Variants in VWA3A observed in about 807,000 individuals in gnomAD.
VWA3A encodes the protein von Willebrand factor A domain-containing protein 3A.
In VWA3A, 134 loss-of-function variants were observed where a neutral mutation model predicts 160.4. That is an observed-to-expected ratio of 0.84 (90% CI 0.73 to 0.96). VWA3A has a LOEUF of 0.96. Ranked by LOEUF, VWA3A falls within the 40% of genes least tolerant of loss-of-function variation. The pLI, the probability that VWA3A is intolerant of heterozygous loss-of-function variation, is 0.00. For synonymous variants in VWA3A, 476 were observed against 543.4 expected (o/e 0.88, Z 1.72); for missense variants, 1,310 against 1,447.9 (o/e 0.90, Z 1.55).
chr16:22,107,357 C>T (rs1463333680), intron 6 of VWA3A, among the ~76,000 whole-genome samples: 1 of 152,218 alleles, frequency 6.6e-6, no homozygotes, highest in Non-Finnish European at 1.5e-5. Flanking sequence ...CTCCCTACAA[C>T]AGATAATTAT....
At chr16:22,119,511 A>T (rs2045699198) in intron 12 of VWA3A, among the ~76,000 whole-genome samples, 1 of 152,188 alleles carries the variant, frequency 6.6e-6, no homozygotes, top group Non-Finnish European at 1.5e-5. Context: ...TCTCTACAAA[A>T]GATTAAAAAA....
At chr16:22,147,106 G>A (rs1273244411) in intron 27 of VWA3A, among the ~76,000 whole-genome samples, 1 of 152,146 alleles carries the variant, frequency 6.6e-6, no homozygotes. Context: ...GCTTACTGCA[G>A]CCTTGAACTG....
chr16:22,109,200 A>G (rs2045520115), intron 6 of VWA3A, among the ~76,000 whole-genome samples: 1 of 152,246 alleles, frequency 6.6e-6, no homozygotes, highest in Non-Finnish European at 1.5e-5. Context: ...TATAGTCTCC[A>G]GATTTTCTAC....
At chr16:22,114,598 G>C (rs2045604048) in intron 8 of VWA3A, among the ~76,000 whole-genome samples, 1 of 152,124 alleles carries the variant, frequency 6.6e-6, no homozygotes, top group African/African-American at 2.4e-5. Context: ...TCTACAAAAT[G>C]GGAATAAAGG....
At position 22,141,780 on chromosome 16, in the gene VWA3A, T is replaced by C. The variant is rs577775234; in HGVS notation, c.2494+88T>C. On this transcript the variant is annotated intron_variant, in intron 24 of 33. Transcript: ENST00000389398. ...GCAGGTACCGTGGGAAGGAGACCCCTCCTGCTGTCCCAGGACCTAGGCACT... is the reference window on the plus strand; with the variant it reads ...GCAGGTACCGTGGGAAGGAGACCCCCCCTGCTGTCCCAGGACCTAGGCACT... The C allele has an allele frequency of 1.2e-5, 14 of 1,134,372 alleles. No homozygotes were observed. In the Admixed American group the frequency reaches 2.4e-4, roughly 20 times the overall value. 70.3% of individuals were successfully genotyped at this position (1,134,372 alleles called of 1,614,324 possible). A position where few individuals can be genotyped will look rare whatever the true frequency, so the allele number is the denominator to read the frequency against.
intron 1 of VWA3A, among the ~76,000 whole-genome samples, chr16:22,096,018 C>T (rs1012137063): frequency 6.6e-6 from 1 of 152,074 alleles, no homozygotes; most frequent in Non-Finnish European, 1.5e-5. Flanking sequence ...CAACTAGGGA[C>T]AATTCTGCTG....
intron 21 of VWA3A, among the ~76,000 whole-genome samples, chr16:22,134,936 C>T (rs768159635): frequency 1.3e-4 from 20 of 152,168 alleles, no homozygotes; most frequent in Non-Finnish European, 2.4e-4. Flanking sequence ...AAAAATAGAA[C>T]TGGGCACAGT....
chr16:22,109,706 C>A, intron 7 of VWA3A, 126 bp downstream of exon 7: 3 of 748,964 alleles, frequency 4.0e-6, no homozygotes, highest in Non-Finnish European at 6.6e-6. Flanking sequence ...GAACAGTTCA[C>A]ACTTAATTAG....
At chr16:22,122,261 GTGGATGGATGGATGGATGGGTGGATGGA>G (rs1218200156) in intron 14 of VWA3A, among the ~76,000 whole-genome samples, 1 of 145,454 alleles carries the variant, frequency 6.9e-6, no homozygotes, top group East Asian at 2.0e-4. Context: ...GGATGGATGA[GTGGATGGATGGATGGATGGGTGGATGGA>G]TGGATGGATG....
intron 16 of VWA3A, among the ~76,000 whole-genome samples, chr16:22,125,214 C>CAA (rs1182938603): frequency 1.0e-4 from 9 of 86,112 alleles, no homozygotes; most frequent in Admixed American, 3.8e-4. Context: ...CTGGTCTCTA[C>CAA]AAAAAAAAAA....
chr16:22,100,196 G>A lies in VWA3A; in HGVS notation c.228G>A (p.Arg76=). ...THVNQTQDLL[R]LQGSETQSSD... ...TGACTCTGGCTTTTGTCTTGCAGAGGCTGCAGGGGAGTGAGACCCAGTCTT... is the reference window on the plus strand; with the variant it reads ...TGACTCTGGCTTTTGTCTTGCAGAGACTGCAGGGGAGTGAGACCCAGTCTT... The change falls in exon 4 of 34, where the codon AGG becomes AGA. Residue 76 remains arginine, a splice_region_variant and synonymous_variant. Coordinates refer to ENST00000389398, the MANE Select transcript of VWA3A (RefSeq NM_173615.5). 1 of 1,544,040 alleles carries A rather than the reference G, an allele frequency of 6.5e-7. No homozygotes were observed. Among genetic ancestry groups the A allele is most frequent in the Non-Finnish European group, 8.7e-7 (1 of 1,144,440 alleles).
chr16:22,105,456 C>T (rs2045470204), intron 6 of VWA3A, among the ~76,000 whole-genome samples: 1 of 152,198 alleles, frequency 6.6e-6, no homozygotes, highest in Admixed American at 6.5e-5. Flanking sequence ...TAGAAAGTGG[C>T]CTCGCTTCTC....
chr16:22,152,396 G>GC, intron 30 of VWA3A, 115 bp from the exon 31 acceptor site: 1 of 1,379,576 alleles, frequency 7.2e-7, no homozygotes, highest in East Asian at 2.5e-5. Flanking sequence ...ACGGCCCATT[G>GC]CCAGGCTGAT....
At chr16:22,150,995 A>C in intron 30 of VWA3A, 149 bp downstream of exon 30, 2 of 1,054,608 alleles carry the variant, frequency 1.9e-6, no homozygotes, top group African/African-American at 1.6e-5. Context: ...AATTAGGAGA[A>C]GCGGCCGGGC....
intron 16 of VWA3A, 27 bp downstream of exon 16, chr16:22,123,734 C>T: frequency 1.3e-6 from 2 of 1,596,576 alleles, no homozygotes; most frequent in Non-Finnish European, 1.7e-6. Context: ...GGGTTCTTAT[C>T]CTTCATGGGT....
intron 11 of VWA3A, 76 bp from the exon 12 acceptor site, chr16:22,118,826 T>A (rs1418227593): frequency 1.9e-6 from 3 of 1,585,976 alleles, no homozygotes; most frequent in African/African-American, 1.3e-5. Flanking sequence ...TTGGCCTGGC[T>A]GCTTGCCCCT....
chr16:22,155,195 A>G (rs2046420358), intron 31 of VWA3A, among the ~76,000 whole-genome samples: 1 of 152,044 alleles, frequency 6.6e-6, no homozygotes, highest in Admixed American at 6.6e-5. Context: ...AGTCTACTTC[A>G]CTAGAAGAAA....
At chr16:22,099,330 G>A (rs895860870) in intron 3 of VWA3A, among the ~76,000 whole-genome samples, 31 of 152,284 alleles carry the variant, frequency 2.0e-4, no homozygotes, top group African/African-American at 6.7e-4. Context: ...TCATGGAGGT[G>A]GTCACAGTTT....
At position 22,153,384 on chromosome 16, in the gene VWA3A, TG is replaced by T. The variant is rs561487239; in HGVS notation, c.3405+752del. 2.2e-4 allele frequency among the ~76,000 whole-genome samples: 34 copies of T among 152,188 alleles called. 1 individual carries two copies. In the South Asian group the frequency reaches 7.1e-3, roughly 32 times the overall value. ...AACAATAAAAACTAGTCAGAGGAAG[TG>T]GTATAGCTAGAGCCCCAAGACACCC... is the stretch of plus-strand genomic sequence containing the variant. On this transcript the variant is annotated intron_variant, in intron 31 of 33. Coordinates refer to ENST00000389398, the MANE Select transcript of VWA3A (RefSeq NM_173615.5).
Sources: gnomAD v4.1 joint callset for allele counts (sites outside exome capture counted in the v4.1 genomes callset) on GRCh38, gnomAD v4.1.1 for gene constraint, MANE v1.5 for transcripts, NCBI Gene and HGNC (gene_info 2026-07-23, HGNC 2026-07-21) for gene names.